TMPRSS15: variants seen among roughly 807,000 people sequenced by gnomAD.
TMPRSS15 encodes transmembrane serine protease 15.
Under a neutral mutation model 125.3 loss-of-function variants are expected in TMPRSS15, and 128 were observed. The observed-to-expected ratio is 1.02, with a 90% CI of 0.89 to 1.18. The LOEUF (loss-of-function observed/expected upper bound fraction) is 1.18. Among genes scored for constraint, TMPRSS15 ranks in the 50% most tolerant of loss-of-function variants. The probability of loss-of-function intolerance (pLI) is 0.00; values close to 1 mark genes in which losing one functional copy is unlikely to be tolerated. For synonymous variants in TMPRSS15, 446 were observed against 423.2 expected (o/e 1.05, Z -0.66); for missense variants, 1,283 against 1,212.7 (o/e 1.06, Z -0.86).
chr21:18,421,880 T>A (rs2123192636), intron 1 of TMPRSS15, among the ~76,000 whole-genome samples: 1 of 152,268 alleles, frequency 6.6e-6, no homozygotes, highest in Non-Finnish European at 1.5e-5. Flanking sequence ...GATACACCCC[T>A]TCGGTTATGT....
At chr21:18,339,715 G>A (rs949691632) in intron 13 of TMPRSS15, among the ~76,000 whole-genome samples, 12 of 152,064 alleles carry the variant, frequency 7.9e-5, no homozygotes, top group African/African-American at 2.9e-4. Context: ...AACAAGTGTA[G>A]TGAAAAAATC....
intron 1 of TMPRSS15, among the ~76,000 whole-genome samples, chr21:18,454,641 C>T (rs1169745701): frequency 1.3e-5 from 2 of 151,996 alleles, no homozygotes; most frequent in Non-Finnish European, 2.9e-5. Flanking sequence ...GTATAAGTGC[C>T]AGAGTCTAAA....
chr21:18,280,276 A>G (rs1011102595), intron 22 of TMPRSS15, among the ~76,000 whole-genome samples: 2 of 152,078 alleles, frequency 1.3e-5, no homozygotes, highest in Non-Finnish European at 2.9e-5. Context: ...AATCTCCATT[A>G]AAAACTTCAT....
intron 8 of TMPRSS15, among the ~76,000 whole-genome samples, chr21:18,358,255 T>A (rs1425368491): frequency 6.6e-6 from 1 of 151,826 alleles, no homozygotes; most frequent in East Asian, 1.9e-4. Flanking sequence ...CTCTACCAAT[T>A]TAGATTTTAT....
chr21:18,365,626 T>TTCTC (rs57900704), intron 6 of TMPRSS15, among the ~76,000 whole-genome samples: 61,963 of 111,530 alleles, frequency 0.56, 20,199 homozygotes, highest in East Asian at 0.9. Flanking sequence ...CTCTCTTTCT[T>TTCTC]TCTCTTTCTC....
At chr21:18,353,918 T>C (rs2075599000) in intron 8 of TMPRSS15, 55 bp from the exon 9 acceptor site, 2 of 1,524,460 alleles carry the variant, frequency 1.3e-6, no homozygotes, top group Non-Finnish European at 1.8e-6. Context: ...TTCATCTCTC[T>C]ATCCATCCAT....
intron 16 of TMPRSS15, among the ~76,000 whole-genome samples, chr21:18,317,065 T>G (rs2075175038): frequency 6.6e-6 from 1 of 152,198 alleles, no homozygotes; most frequent in Non-Finnish European, 1.5e-5. Context: ...TTAGTGACTA[T>G]TAGTCAATAT....
chr21:18,481,264 C>A (rs1370528462), intron 1 of TMPRSS15, among the ~76,000 whole-genome samples: 2 of 151,810 alleles, frequency 1.3e-5, no homozygotes, highest in African/African-American at 4.8e-5. Flanking sequence ...CTTCTATTGA[C>A]TTACTTGCAA....
chr21:18,432,679 T>C (rs2076218642), intron 1 of TMPRSS15, among the ~76,000 whole-genome samples: 2 of 152,152 alleles, frequency 1.3e-5, no homozygotes, highest in South Asian at 4.1e-4. Context: ...GGTAGCATCC[T>C]TCCCTAGGGG....
Position 18,363,602 on chromosome 21 carries a change from T to C in TMPRSS15, c.773+1538A>G, listed in dbSNP as rs544664598. On this transcript the variant is annotated intron_variant, in intron 7 of 24. Transcript: ENST00000284885. Reference sequence around the variant, plus strand: ...TTTTCAGTGAAAGATATTTAAGATTTTCTACAGCTTTCTATTGACATTTTA... The same window carrying C: ...TTTTCAGTGAAAGATATTTAAGATTCTCTACAGCTTTCTATTGACATTTTA... Among the ~76,000 whole-genome samples the C allele has an allele frequency of 2.0e-5, 3 of 152,284 alleles. No individual in the cohort carries two copies. The East Asian group carries it at 5.8e-4, about 29-fold the overall frequency.
At chr21:18,387,653 A>G (rs895308860) in intron 3 of TMPRSS15, among the ~76,000 whole-genome samples, 2 of 135,720 alleles carry the variant, frequency 1.5e-5, no homozygotes, top group African/African-American at 2.7e-5. Context: ...ACACACACGC[A>G]CACACACCCC....
intron 16 of TMPRSS15, among the ~76,000 whole-genome samples, chr21:18,316,257 C>T (rs79995561): frequency 0.011 from 1,669 of 152,254 alleles, 34 homozygotes; most frequent in African/African-American, 0.039. Context: ...CAACTCACCT[C>T]TTCCTCGTAA....
At chr21:18,417,007 T>G (rs968021495) in intron 1 of TMPRSS15, among the ~76,000 whole-genome samples, 2 of 152,126 alleles carry the variant, frequency 1.3e-5, no homozygotes, top group Non-Finnish European at 2.9e-5. Flanking sequence ...TTTTGACTAA[T>G]AATACAATTA....
At chr21:18,354,941 G>A (rs1438186459) in intron 8 of TMPRSS15, among the ~76,000 whole-genome samples, 1 of 151,724 alleles carries the variant, frequency 6.6e-6, no homozygotes, top group Admixed American at 6.6e-5. Context: ...TAGATATCTT[G>A]TGATTATGTA....
At chr21:18,367,911 A>G (rs1361522140) in intron 6 of TMPRSS15, among the ~76,000 whole-genome samples, 2 of 152,148 alleles carry the variant, frequency 1.3e-5, no homozygotes, top group Admixed American at 6.5e-5. Flanking sequence ...ATCACAATAT[A>G]TATATACATC....
chr21:18,355,394 A>G (rs1267293748), intron 8 of TMPRSS15, among the ~76,000 whole-genome samples: 1 of 151,850 alleles, frequency 6.6e-6, no homozygotes, highest in Non-Finnish European at 1.5e-5. Context: ...AAAGTCCAGG[A>G]GCTTACCTTG....
intron 18 of TMPRSS15, among the ~76,000 whole-genome samples, chr21:18,307,364 C>G (rs1226844593): frequency 6.6e-6 from 1 of 152,120 alleles, no homozygotes; most frequent in Non-Finnish European, 1.5e-5. Flanking sequence ...AGAAGGACTA[C>G]GATTCGTGGG....
chr21:18,383,372 T>G (rs2298406), intron 4 of TMPRSS15, among the ~76,000 whole-genome samples: 1,109 of 52,668 alleles, frequency 0.021, 85 homozygotes, highest in African/African-American at 0.028. Flanking sequence ...GAATGCATAA[T>G]ACCCACAAAC....
At chr21:18,483,297 T>C (rs1427645242) in intron 1 of TMPRSS15, among the ~76,000 whole-genome samples, 1 of 151,846 alleles carries the variant, frequency 6.6e-6, no homozygotes, top group Non-Finnish European at 1.5e-5. Flanking sequence ...TTGCCATTGC[T>C]ATTTATTATT....
Sources: allele counts gnomAD v4.1 joint callset (sites outside exome capture counted in the v4.1 genomes callset), GRCh38; gene constraint gnomAD v4.1.1; transcripts MANE v1.5; gene names NCBI Gene and HGNC (gene_info 2026-07-23, HGNC 2026-07-21).